IFT70A: variants seen among roughly 807,000 people sequenced by gnomAD.
The protein encoded by IFT70A is intraflagellar transport 70A, also known as intraflagellar transport protein 70A.
chr2:177,617,542 G>C, the IFT70A span: 34 of 1,614,120 alleles, frequency 2.1e-5, no homozygotes, highest in Admixed American at 3.3e-5. Flanking sequence ...AAGCTGCTCA[G>C]TCAGCATCCC....
At chr2:177,617,588 G>C in the IFT70A span, 64 of 1,614,170 alleles carry the variant, frequency 4.0e-5, no homozygotes, top group Middle Eastern at 8.2e-4. Context: ...GCCTCTTCAG[G>C]AGCTGTCTGG....
chr2:177,617,550 C>A, the IFT70A span: 1 of 1,614,224 alleles, frequency 6.2e-7, no homozygotes, highest in Non-Finnish European at 8.5e-7. Flanking sequence ...CAGTCAGCAT[C>A]CCTGCTAGCC....
the IFT70A span, chr2:177,613,493 A>AC: frequency 6.6e-6 from 1 of 152,184 alleles, no homozygotes; most frequent in East Asian, 1.9e-4. Context: ...CATATACACT[A>AC]TAGTGTATGG....
chr2:177,616,876 A>G, the IFT70A span: 3 of 1,593,274 alleles, frequency 1.9e-6, no homozygotes, highest in East Asian at 2.2e-5. Flanking sequence ...ACATTCTTGA[A>G]TAACACTGTC....
At chr2:177,614,205 C>T in the IFT70A span, 2 of 152,122 alleles carry the variant, frequency 1.3e-5, no homozygotes, top group African/African-American at 4.8e-5. Context: ...ATATTAAACA[C>T]TATACCTATG....
the IFT70A span, chr2:177,617,996 C>T: frequency 3.1e-6 from 5 of 1,614,232 alleles, no homozygotes; most frequent in African/African-American, 2.7e-5. Flanking sequence ...ACACTGCGAA[C>T]ATCAAAGCCC....
the IFT70A span, chr2:177,617,856 C>T: frequency 2.5e-6 from 4 of 1,614,248 alleles, no homozygotes; most frequent in Non-Finnish European, 3.4e-6. Flanking sequence ...CCAACTCTTC[C>T]TCTGCCCTGG....
the IFT70A span, chr2:177,618,326 C>G: frequency 1.2e-6 from 2 of 1,613,960 alleles, no homozygotes; most frequent in Non-Finnish European, 1.7e-6. Flanking sequence ...AGATCGCCCT[C>G]GCTATACTTG....
At chr2:177,617,169 T>G in the IFT70A span, 1 of 1,607,236 alleles carries the variant, frequency 6.2e-7, no homozygotes, top group South Asian at 1.1e-5. Context: ...CATTTTGACT[T>G]GTCATAATAT....
the IFT70A span, chr2:177,617,652 C>A: frequency 3.8e-5 from 61 of 1,613,998 alleles, no homozygotes; most frequent in South Asian, 3.1e-4. Context: ...GGAACTTATA[C>A]GTCAAATGGG....
the IFT70A span, chr2:177,613,972 A>T: frequency 1.3e-5 from 2 of 152,292 alleles, no homozygotes; most frequent in Non-Finnish European, 2.9e-5. Context: ...TCACACTAGA[A>T]ATGTACTTAT....
At chr2:177,617,969 G>T in the IFT70A span, 20 of 1,614,062 alleles carry the variant, frequency 1.2e-5, no homozygotes, top group Admixed American at 1.7e-5. Flanking sequence ...GTCTGATGGA[G>T]AACTAAGGTG....
the IFT70A span, chr2:177,618,013 G>C: frequency 1.2e-6 from 2 of 1,614,242 alleles, no homozygotes; most frequent in Admixed American, 1.7e-5. Context: ...GCCCTCGGTG[G>C]TCATGCCCAC....
the IFT70A span, chr2:177,617,958 A>T: frequency 1.2e-6 from 2 of 1,614,110 alleles, no homozygotes; most frequent in South Asian, 2.2e-5. Flanking sequence ...CCACCAGAGC[A>T]GTCTGATGGA....
chr2:177,617,868 T>C, the IFT70A span: 27 of 1,614,188 alleles, frequency 1.7e-5, no homozygotes, highest in Non-Finnish European at 2.2e-5. Flanking sequence ...CTGCCCTGGG[T>C]GGCATGTCGG....
At chr2:177,618,162 T>C in the IFT70A span, 7 of 1,614,180 alleles carry the variant, frequency 4.3e-6, no homozygotes, top group Non-Finnish European at 5.9e-6. Flanking sequence ...AGGCCTGCAG[T>C]GTGGCAGAAA....
At chr2:177,617,301 A>C in the IFT70A span, 2 of 1,584,758 alleles carry the variant, frequency 1.3e-6, no homozygotes, top group South Asian at 2.3e-5. Context: ...GCATGAACAG[A>C]ACATGAGCCA....
At chr2:177,616,213 A>T in the IFT70A span, 1 of 152,382 alleles carries the variant, frequency 6.6e-6, no homozygotes, top group African/African-American at 2.4e-5. Context: ...CTGGAGAAAT[A>T]GAGTTAAGAA....
the IFT70A span, chr2:177,617,030 C>T: frequency 6.2e-7 from 1 of 1,613,526 alleles, no homozygotes; most frequent in East Asian, 2.2e-5. Flanking sequence ...TCATAGTTTC[C>T]TTTGGCACAA....
Sources: allele counts gnomAD v4.1 joint callset, GRCh38; gene constraint gnomAD v4.1.1; transcripts MANE v1.5; gene names NCBI Gene and HGNC (gene_info 2026-07-23, HGNC 2026-07-21).